ARHGAP15: variants seen among roughly 807,000 people sequenced by gnomAD.
The protein encoded by ARHGAP15 is rho GTPase-activating protein 15.
ARHGAP15 carries 51 observed loss-of-function variants against 63.7 expected under a neutral mutation model. The ratio of observed to expected loss-of-function variants is 0.80; its 90% CI spans 0.64 to 1.01. The LOEUF (loss-of-function observed/expected upper bound fraction) is 1.01. Ranked by LOEUF, ARHGAP15 falls within the 50% of genes least tolerant of loss-of-function variation. ARHGAP15 has a pLI of 0.00. For missense variants in ARHGAP15, 560 were observed against 564.6 expected (o/e 0.99, Z 0.08); for synonymous variants, 191 against 193.8 (o/e 0.99, Z 0.12).
In ARHGAP15 at chr2:143,539,447, C is replaced by T. The variant is rs12986922; in HGVS notation, c.926-16961C>T. 8.4e-4 allele frequency among the ~76,000 whole-genome samples: 128 copies of T among 152,096 alleles called. 1 individual carries two copies. Among genetic ancestry groups the T allele is most frequent in the African/African-American group, 2.3e-3 (95 of 41,470 alleles). On this transcript the variant is annotated intron_variant, in intron 10 of 13. Coordinates refer to ENST00000295095, the MANE Select transcript of ARHGAP15 (RefSeq NM_018460.4). ...CTTTTGGATGTGTTTGCTCTTGCTT[C>T]TCTAGTTCTTTTAATTGTGATGTTA... is the stretch of plus-strand genomic sequence containing the variant.
chr2:143,373,865 G>A (rs996284015), intron 6 of ARHGAP15, among the ~76,000 whole-genome samples: 7 of 151,986 alleles, frequency 4.6e-5, no homozygotes, highest in African/African-American at 1.5e-4. Flanking sequence ...AAAGTTCTAT[G>A]TCTCCTAATG....
intron 6 of ARHGAP15, among the ~76,000 whole-genome samples, chr2:143,335,884 C>T (rs1396466071): frequency 6.6e-6 from 1 of 152,048 alleles, no homozygotes; most frequent in Non-Finnish European, 1.5e-5. Flanking sequence ...AAGACAGGCA[C>T]AGGTGTGGAG....
At chr2:143,353,992 A>ATT (rs766490471) in intron 6 of ARHGAP15, among the ~76,000 whole-genome samples, 4 of 143,480 alleles carry the variant, frequency 2.8e-5, no homozygotes, top group Non-Finnish European at 6.0e-5. Flanking sequence ...CTGTTCAGGT[A>ATT]TTTTTTTTTT....
chr2:143,271,767 T>C lies in ARHGAP15; in HGVS notation c.474+21167T>C, dbSNP rs139720439. On this transcript the variant is annotated intron_variant, in intron 6 of 13. Transcript: ENST00000295095. Reference sequence around the variant, plus strand: ...CTGGGATTACAGGCATGAGCCACCGTGCCCGGCCGTTTCTTACAGGTTTTT... The same window carrying C: ...CTGGGATTACAGGCATGAGCCACCGCGCCCGGCCGTTTCTTACAGGTTTTT... Among the ~76,000 whole-genome samples, 189 of 152,352 alleles carry C rather than the reference T, an allele frequency of 1.2e-3. 2 individuals carry two copies. In the East Asian group the frequency reaches 0.018, roughly 14 times the overall value.
chr2:143,268,564 G>A (rs1681112629), intron 6 of ARHGAP15, among the ~76,000 whole-genome samples: 1 of 151,996 alleles, frequency 6.6e-6, no homozygotes. Context: ...GGAAAGTCAA[G>A]GAAAAACTCA....
intron 10 of ARHGAP15, among the ~76,000 whole-genome samples, chr2:143,546,403 G>T (rs887102863): frequency 2.6e-5 from 4 of 151,990 alleles, no homozygotes; most frequent in Admixed American, 1.3e-4. Flanking sequence ...CTTTGTGTTG[G>T]TGAGCCTTTT....
At chr2:143,191,947 C>T (rs577206255) in intron 2 of ARHGAP15, among the ~76,000 whole-genome samples, 42 of 152,194 alleles carry the variant, frequency 2.8e-4, no homozygotes, top group Admixed American at 2.2e-3. Flanking sequence ...TCTTATAAAC[C>T]GTATGTTCTT....
intron 6 of ARHGAP15, among the ~76,000 whole-genome samples, chr2:143,282,740 C>G (rs1350196336): frequency 6.6e-6 from 1 of 152,146 alleles, no homozygotes; most frequent in Non-Finnish European, 1.5e-5. Flanking sequence ...GGATTTCACA[C>G]AGCTGATAAA....
At chr2:143,408,864 G>A (rs1435546645) in intron 6 of ARHGAP15, among the ~76,000 whole-genome samples, 1 of 151,654 alleles carries the variant, frequency 6.6e-6, no homozygotes, top group South Asian at 2.1e-4. Flanking sequence ...TCTGTGGTTT[G>A]GGAAGGAAGA....
At chr2:143,377,205 CTTACCAAATG>C (rs1262896090) in intron 6 of ARHGAP15, among the ~76,000 whole-genome samples, 1 of 151,948 alleles carries the variant, frequency 6.6e-6, no homozygotes, top group East Asian at 1.9e-4. Context: ...CCAGCCAATA[CTTACCAAATG>C]AAGTTATATA....
chr2:143,599,131 CA>C (rs1697654217), intron 11 of ARHGAP15, among the ~76,000 whole-genome samples: 1 of 151,984 alleles, frequency 6.6e-6, no homozygotes, highest in East Asian at 1.9e-4. Context: ...AAAATCAAAC[CA>C]ACAGCAAATA....
intron 6 of ARHGAP15, among the ~76,000 whole-genome samples, chr2:143,386,513 T>G (rs776674380): frequency 2.6e-5 from 4 of 152,134 alleles, no homozygotes; most frequent in African/African-American, 9.7e-5. Context: ...AAATAAATAC[T>G]AGGCTCTTCA....
intron 5 of ARHGAP15, among the ~76,000 whole-genome samples, chr2:143,230,926 G>GA (rs1190380153): frequency 1.3e-5 from 2 of 152,186 alleles, no homozygotes; most frequent in African/African-American, 4.8e-5. Flanking sequence ...CAAGCTGCCT[G>GA]AGTGAGTGCA....
chr2:143,758,269 C>T (rs1517916), intron 13 of ARHGAP15, among the ~76,000 whole-genome samples: 77,627 of 150,556 alleles, frequency 0.52, 21,424 homozygotes, highest in Admixed American at 0.68. Context: ...TATTTATATA[C>T]AAGTGTGTGT....
intron 6 of ARHGAP15, among the ~76,000 whole-genome samples, chr2:143,339,665 T>G (rs1222531788): frequency 6.6e-6 from 1 of 152,134 alleles, no homozygotes; most frequent in African/African-American, 2.4e-5. Context: ...CTCTGTCCAT[T>G]TTATTAAAAT....
chr2:143,373,135 C>T (rs1427688940), intron 6 of ARHGAP15, among the ~76,000 whole-genome samples: 1 of 152,114 alleles, frequency 6.6e-6, no homozygotes, highest in African/African-American at 2.4e-5. Context: ...TTTATAACCC[C>T]TTTTGTATAT....
At chr2:143,604,645 C>A (rs1325578258) in intron 11 of ARHGAP15, among the ~76,000 whole-genome samples, 1 of 152,114 alleles carries the variant, frequency 6.6e-6, no homozygotes, top group African/African-American at 2.4e-5. Context: ...GTCCTGAGGA[C>A]CATGACTAAA....
intron 12 of ARHGAP15, among the ~76,000 whole-genome samples, chr2:143,669,263 A>C (rs1014901543): frequency 6.6e-6 from 1 of 152,198 alleles, no homozygotes; most frequent in African/African-American, 2.4e-5. Context: ...CTTGTGTTCA[A>C]ACTTCACCTG....
chr2:143,728,883 C>T (rs1161993094), intron 13 of ARHGAP15, among the ~76,000 whole-genome samples: 4 of 152,192 alleles, frequency 2.6e-5, no homozygotes, highest in Admixed American at 1.3e-4. Context: ...TCAGCATTTC[C>T]AAATGCTTGA....
Sources: allele counts gnomAD v4.1 joint callset (sites outside exome capture counted in the v4.1 genomes callset), GRCh38; gene constraint gnomAD v4.1.1; transcripts MANE v1.5; gene names NCBI Gene and HGNC (gene_info 2026-07-23, HGNC 2026-07-21).